Variants in EML6 observed in about 807,000 individuals in gnomAD.
EML6 encodes EMAP like 6, also known as echinoderm microtubule-associated protein-like 6.
A neutral mutation model predicts 240.1 loss-of-function variants in EML6; 154 were observed. That is an observed-to-expected ratio of 0.64 (90% confidence interval 0.56 to 0.73). EML6 has a LOEUF of 0.73. Ranked by LOEUF, EML6 falls within the 30% of genes least tolerant of loss-of-function variation. The pLI, the probability that EML6 is intolerant of heterozygous loss-of-function variation, is 0.00. For missense variants in EML6, 2,964 were observed against 2,474.6 expected (o/e 1.20, Z -4.20); for synonymous variants, 1,148 against 899.0 (o/e 1.28, Z -4.95).
intron 7 of EML6, among the ~76,000 whole-genome samples, chr2:54,834,927 A>G (rs900337229): frequency 6.6e-5 from 10 of 152,188 alleles, no homozygotes; most frequent in African/African-American, 2.4e-4. Context: ...TGTGAGCCAG[A>G]TCACATAATT....
At chr2:54,782,880 G>A (rs761349973) in intron 2 of EML6, among the ~76,000 whole-genome samples, 3 of 152,174 alleles carry the variant, frequency 2.0e-5, no homozygotes, top group South Asian at 4.1e-4. Flanking sequence ...AAAACCAGGC[G>A]TCTCATTCGT....
At chr2:54,884,048 G>A (rs1671986636) in intron 17 of EML6, among the ~76,000 whole-genome samples, 1 of 152,162 alleles carries the variant, frequency 6.6e-6, no homozygotes, top group Admixed American at 6.5e-5. Context: ...AAACAATTCT[G>A]TTTGCTGAGT....
At chr2:54,969,306 C>A (rs956918106) in intron 41 of EML6, among the ~76,000 whole-genome samples, 7 of 152,138 alleles carry the variant, frequency 4.6e-5, no homozygotes, top group Middle Eastern at 3.2e-3. Context: ...TCAGCCCAAG[C>A]AAAACTCCTG....
At chr2:54,941,066 T>G (rs1295119555) in intron 28 of EML6, among the ~76,000 whole-genome samples, 1 of 152,212 alleles carries the variant, frequency 6.6e-6, no homozygotes, top group African/African-American at 2.4e-5. Flanking sequence ...TTCTAACCTT[T>G]TATGCTGTGC....
chr2:54,928,402 G>A lies in EML6; in HGVS notation c.3765G>A (p.Thr1255=), dbSNP rs531851910. ...RWLHNDSVLL[T]VGGADTALMI... ...TGCACAATGACTCTGTGCTGCTCAC[G>A]GTGGGCGGCGCCGACACAGCCCTGA... Residue 1255 remains threonine, a synonymous_variant, in exon 27 of 42, where the codon ACG becomes ACA. Coordinates refer to ENST00000356458, the MANE Select transcript of EML6 (RefSeq NM_001039753.4). The A allele has an allele frequency of 2.0e-5, 31 of 1,551,590 alleles. No homozygotes were observed. The highest frequency in any genetic ancestry group is 1.7e-4 in the Middle Eastern group (1 of 5,990).
At chr2:54,863,959 C>T (rs1670825124) in intron 13 of EML6, 70 bp downstream of exon 13, 1 of 806,856 alleles carries the variant, frequency 1.2e-6, no homozygotes, top group Non-Finnish European at 2.0e-6. Context: ...TTGGACATAG[C>T]ACTAAAAATG....
intron 7 of EML6, among the ~76,000 whole-genome samples, chr2:54,836,060 G>A (rs1441510546): frequency 6.6e-6 from 1 of 152,078 alleles, no homozygotes; most frequent in Non-Finnish European, 1.5e-5. Context: ...TTTTTCTCTG[G>A]GCTTGCCCTT....
chr2:54,901,233 C>A (rs1279004555), intron 22 of EML6, among the ~76,000 whole-genome samples: 1 of 152,120 alleles, frequency 6.6e-6, no homozygotes, highest in Admixed American at 6.6e-5. Flanking sequence ...AAATTCAAAC[C>A]CATGCAGTGT....
chr2:54,855,185 C>T (rs537302020), intron 11 of EML6, among the ~76,000 whole-genome samples: 2 of 152,236 alleles, frequency 1.3e-5, no homozygotes, highest in South Asian at 2.1e-4. Context: ...AATTGGCTCA[C>T]GGTTTTGTAG....
rs1676569816 is a variant in EML6, at chr2:54,962,597, G to C, written c.5043G>C (p.Leu1681=). The C allele has an allele frequency of 6.5e-7, 1 of 1,549,646 alleles. No individual in the cohort carries two copies. Among genetic ancestry groups the C allele is most frequent in the Admixed American group, 2.0e-5 (1 of 50,576 alleles). The part of the protein sequence containing the change: ...VGEKNAASNI[L]IDGHMEGEIW... The stretch of plus-strand genomic sequence containing the variant: ...AAAAAAATGCTGCTTCTAACATCCT[G>C]ATTGATGGTCACATGGAAGGGGAGA... Residue 1681 remains leucine, a synonymous_variant, in exon 36 of 42, where the codon CTG becomes CTC. Coordinates refer to ENST00000356458, the MANE Select transcript of EML6 (RefSeq NM_001039753.4).
intron 19 of EML6, among the ~76,000 whole-genome samples, chr2:54,894,055 GA>G (rs1340647217): frequency 6.6e-6 from 1 of 151,980 alleles, no homozygotes; most frequent in Non-Finnish European, 1.5e-5. Flanking sequence ...TTAATTTGGG[GA>G]TTGAATTTTC....
chr2:54,794,499 G>C (rs1482417275), intron 2 of EML6, among the ~76,000 whole-genome samples: 1 of 152,070 alleles, frequency 6.6e-6, no homozygotes, highest in Non-Finnish European at 1.5e-5. Context: ...GACGGGGAAG[G>C]GTCAACTCAG....
Position 54,840,766 on chromosome 2 carries a change from T to C in EML6, c.848-3281T>C, listed in dbSNP as rs565010513. 7.9e-5 allele frequency among the ~76,000 whole-genome samples: 12 copies of C among 152,374 alleles called. No homozygotes were observed. In the South Asian group the frequency reaches 2.5e-3, roughly 32 times the overall value. Reference sequence around the variant, plus strand: ...GTGCCAGGTATTGAGGATATAGCAGTAAATAAAACTGATAAAACTCTCTTC... The same window carrying C: ...GTGCCAGGTATTGAGGATATAGCAGCAAATAAAACTGATAAAACTCTCTTC... On this transcript the variant is annotated intron_variant, in intron 7 of 41. Transcript: ENST00000356458.
chr2:54,758,913 G>GGGTGGTTAATA (rs1553372575), intron 2 of EML6, among the ~76,000 whole-genome samples: 1 of 151,028 alleles, frequency 6.6e-6, no homozygotes, highest in Non-Finnish European at 1.5e-5. Flanking sequence ...CATAAAATAT[G>GGGTGGTTAATA]GGTGGTTCAT....
rs375768601 is a variant in EML6 at position 54,940,865 on chromosome 2, C to T, written c.4005-8017C>T. Among the ~76,000 whole-genome samples, 5 of 152,322 alleles carry T rather than the reference C, an allele frequency of 3.3e-5. No homozygotes were observed. In the East Asian group the frequency reaches 7.7e-4, roughly 23 times the overall value. On this transcript the variant is annotated intron_variant, in intron 28 of 41. Transcript: ENST00000356458. The stretch of plus-strand genomic sequence containing the variant: ...TGTTTGGTTTAAATCTGTTTAACCC[C>T]AGGCAAAAGGAATCAAGAAGATTCT...
intron 26 of EML6, among the ~76,000 whole-genome samples, chr2:54,917,186 A>G (rs749561665): frequency 1.1e-4 from 17 of 152,210 alleles, no homozygotes; most frequent in Non-Finnish European, 2.4e-4. Flanking sequence ...CTGCAAAGTA[A>G]GTGTTACCTT....
chr2:54,899,053 C>A (rs1027334178), intron 21 of EML6, among the ~76,000 whole-genome samples: 5 of 152,162 alleles, frequency 3.3e-5, no homozygotes, highest in Non-Finnish European at 5.9e-5. Context: ...AATTTGTGAA[C>A]AGACGCAGAA....
chr2:54,848,475 T>C (rs1237705586), intron 9 of EML6, among the ~76,000 whole-genome samples: 1 of 150,740 alleles, frequency 6.6e-6, no homozygotes, highest in East Asian at 2.0e-4. Flanking sequence ...TGTGAAAAGA[T>C]GGCTGAGTAC....
intron 5 of EML6, among the ~76,000 whole-genome samples, chr2:54,823,886 C>CTCTCTCTCTTTCTG (rs1668460631): frequency 1.3e-5 from 2 of 150,908 alleles, no homozygotes; most frequent in African/African-American, 2.4e-5. Context: ...CTTTCTGTCT[C>CTCTCTCTCTTTCTG]TCTCTCTCTC....
Sources: allele counts gnomAD v4.1 joint callset (sites outside exome capture counted in the v4.1 genomes callset), GRCh38; gene constraint gnomAD v4.1.1; transcripts MANE v1.5; gene names NCBI Gene and HGNC (gene_info 2026-07-23, HGNC 2026-07-21).